Variants in SPATS2L observed in about 807,000 individuals in gnomAD.
SPATS2L encodes spermatogenesis associated serine rich 2 like.
In SPATS2L, 30 loss-of-function variants were observed where a neutral mutation model predicts 59.6. The ratio of observed to expected loss-of-function variants is 0.50; its 90% CI spans 0.38 to 0.68. SPATS2L has a LOEUF of 0.68. SPATS2L is among the 30% of genes least tolerant of loss of function. The probability of loss-of-function intolerance (pLI) is 0.00; values close to 1 mark genes in which losing one functional copy is unlikely to be tolerated. For synonymous variants in SPATS2L, 252 were observed against 263.5 expected (o/e 0.96, Z 0.42); for missense variants, 615 against 700.0 (o/e 0.88, Z 1.37).
chr2:200,326,456 C>G (rs1326075837), intron 1 of SPATS2L, among the ~76,000 whole-genome samples: 1 of 152,166 alleles, frequency 6.6e-6, no homozygotes, highest in Non-Finnish European at 1.5e-5. Context: ...AAATTTCAAT[C>G]GTTTTTCTCT....
At chr2:200,354,273 G>A (rs1185619036) in intron 2 of SPATS2L, among the ~76,000 whole-genome samples, 1 of 152,168 alleles carries the variant, frequency 6.6e-6, no homozygotes, top group Non-Finnish European at 1.5e-5. Context: ...GATCCTAGAA[G>A]TGGAGCCATA....
At chr2:200,447,935 T>G (rs1275034759) in intron 8 of SPATS2L, among the ~76,000 whole-genome samples, 1 of 152,192 alleles carries the variant, frequency 6.6e-6, no homozygotes, top group Non-Finnish European at 1.5e-5. Flanking sequence ...AAGACAAAAA[T>G]CAAGAGTTTG....
intron 9 of SPATS2L, chr2:200,463,414 A>G (rs892431035): frequency 1.3e-5 from 2 of 152,254 alleles, no homozygotes; most frequent in African/African-American, 4.8e-5. Context: ...TAAATAAGTC[A>G]GTATCTGTAG....
At chr2:200,459,126 C>T (rs2086064204) in intron 8 of SPATS2L, among the ~76,000 whole-genome samples, 1 of 152,162 alleles carries the variant, frequency 6.6e-6, no homozygotes, top group South Asian at 2.1e-4. Flanking sequence ...AACTTTGGGA[C>T]AGATCATTGT....
chr2:200,317,035 G>A (rs2079403760), intron 1 of SPATS2L, among the ~76,000 whole-genome samples: 1 of 152,180 alleles, frequency 6.6e-6, no homozygotes, highest in African/African-American at 2.4e-5. Context: ...TCTCTAGTGG[G>A]AAGGTTGGTC....
chr2:200,309,512 A>T (rs1288794159), intron 1 of SPATS2L, among the ~76,000 whole-genome samples: 2 of 152,158 alleles, frequency 1.3e-5, no homozygotes, highest in Non-Finnish European at 2.9e-5. Context: ...TAATTAAATC[A>T]TATGTTTTTT....
chr2:200,323,483 A>G (rs1254741416), intron 1 of SPATS2L, among the ~76,000 whole-genome samples: 4 of 152,230 alleles, frequency 2.6e-5, no homozygotes, highest in African/African-American at 9.6e-5. Context: ...GAATATTTGT[A>G]AGATAAATGT....
intron 2 of SPATS2L, among the ~76,000 whole-genome samples, chr2:200,338,089 A>G (rs570918462): frequency 7.8e-4 from 119 of 152,154 alleles, no homozygotes; most frequent in Non-Finnish European, 1.3e-3. Context: ...CAGTGGTCCA[A>G]TCATGACTCA....
At chr2:200,409,236 T>C (rs2082791454) in intron 3 of SPATS2L, among the ~76,000 whole-genome samples, 1 of 152,236 alleles carries the variant, frequency 6.6e-6, no homozygotes, top group Non-Finnish European at 1.5e-5. Context: ...GATTGATCCA[T>C]TCCTTCCAGG....
chr2:200,349,728 A>C (rs1334700810), intron 2 of SPATS2L, among the ~76,000 whole-genome samples: 2 of 152,318 alleles, frequency 1.3e-5, no homozygotes, highest in East Asian at 3.9e-4. Flanking sequence ...TACCCTGTTT[A>C]TCCTCTAACC....
intron 3 of SPATS2L, chr2:200,393,152 C>T (rs1185510386): frequency 8.8e-6 from 4 of 454,882 alleles, no homozygotes; most frequent in Non-Finnish European, 1.8e-5. Context: ...CAGCCCCTTT[C>T]CTAATATCTG....
chr2:200,376,629 T>G (rs1289009405), intron 2 of SPATS2L, among the ~76,000 whole-genome samples: 1 of 152,250 alleles, frequency 6.6e-6, no homozygotes, highest in Non-Finnish European at 1.5e-5. Context: ...ATCTGATAGC[T>G]ACAAGGCAGG....
rs1419444766 is a variant in SPATS2L at position 200,469,979 on chromosome 2, C to T, written c.1023C>T (p.Ile341=). ...LGKAARFSCD[I]EQLKAQIMLC... ...AAGCTGCCCGGTTTTCCTGTGACATCGAACAGCTGAAGGCCCAAATCATGC... is the reference window on the plus strand; with the variant it reads ...AAGCTGCCCGGTTTTCCTGTGACATTGAACAGCTGAAGGCCCAAATCATGC... The change falls in exon 11 of 13, where the codon ATC becomes ATT. Residue 341 remains isoleucine, a synonymous_variant. Transcript: ENST00000409140. The T allele has an allele frequency of 1.2e-6, 2 of 1,611,960 alleles. No individual in the cohort carries two copies. The highest frequency in any genetic ancestry group is 1.7e-6 in the Non-Finnish European group (2 of 1,179,032).
chr2:200,398,327 A>G (rs996006283), intron 3 of SPATS2L, among the ~76,000 whole-genome samples: 3 of 152,270 alleles, frequency 2.0e-5, no homozygotes, highest in South Asian at 2.1e-4. Context: ...GAATTCAACT[A>G]TATGAGAAAA....
chr2:200,405,172 T>G (rs1471093949), intron 3 of SPATS2L, among the ~76,000 whole-genome samples: 1 of 152,112 alleles, frequency 6.6e-6, no homozygotes, highest in Non-Finnish European at 1.5e-5. Flanking sequence ...TGATTAGAAA[T>G]GTAGAATTCA....
intron 3 of SPATS2L, among the ~76,000 whole-genome samples, chr2:200,411,472 A>G (rs774410448): frequency 9.1e-6 from 1 of 109,928 alleles, no homozygotes; most frequent in Non-Finnish European, 2.2e-5. Flanking sequence ...TGCACCATGC[A>G]GTACTCTAGT....
At chr2:200,337,909 C>T (rs997988128) in intron 2 of SPATS2L, among the ~76,000 whole-genome samples, 22 of 152,218 alleles carry the variant, frequency 1.4e-4, no homozygotes, top group Non-Finnish European at 2.8e-4. Flanking sequence ...CTGCCTAATA[C>T]ATAAGACATA....
chr2:200,375,656 T>TA lies in SPATS2L; in HGVS notation c.-22-13566dup, dbSNP rs138624069. ...TTTTCTGTTTTTTGAGATAGGGTCT[T>TA]ACTCTGTCATCCAGGCTGGAGTGCC... On this transcript the variant is annotated intron_variant, in intron 2 of 12. Transcript: ENST00000409140. 4.5e-3 allele frequency among the ~76,000 whole-genome samples: 689 copies of TA among 152,278 alleles called. 18 individuals are homozygous for TA. The highest frequency in any genetic ancestry group is 0.036 in the Admixed American group (544 of 15,296).
At chr2:200,382,755 C>T (rs537537522) in intron 2 of SPATS2L, among the ~76,000 whole-genome samples, 1 of 152,096 alleles carries the variant, frequency 6.6e-6, no homozygotes, top group East Asian at 1.9e-4. Context: ...AATTTCTATT[C>T]GTAGGGTTGT....
Sources: gnomAD v4.1 joint callset for allele counts (sites outside exome capture counted in the v4.1 genomes callset) on GRCh38, gnomAD v4.1.1 for gene constraint, MANE v1.5 for transcripts, NCBI Gene and HGNC (gene_info 2026-07-23, HGNC 2026-07-21) for gene names.